SORCS3: variants seen among roughly 807,000 people sequenced by gnomAD.
SORCS3 encodes the protein VPS10 domain-containing receptor SorCS3.
A neutral mutation model predicts 146.3 loss-of-function variants in SORCS3; 57 were observed. The observed-to-expected ratio is 0.39, with a 90% CI of 0.31 to 0.49. SORCS3 has a LOEUF of 0.49. Among genes scored for constraint, SORCS3 ranks in the 20% least tolerant of loss-of-function variants. The pLI is 0.92. For missense variants in SORCS3, 1,341 were observed against 1,575.5 expected (o/e 0.85, Z 2.52); for synonymous variants, 653 against 618.5 (o/e 1.06, Z -0.83).
intron 3 of SORCS3, among the ~76,000 whole-genome samples, chr10:104,958,529 A>C (rs891171004): frequency 6.6e-6 from 1 of 152,176 alleles, no homozygotes; most frequent in Non-Finnish European, 1.5e-5. Flanking sequence ...AGAGAATGGG[A>C]AAGAGGGAGG....
chr10:104,837,382 C>T (rs765468928), intron 1 of SORCS3, among the ~76,000 whole-genome samples: 17 of 152,180 alleles, frequency 1.1e-4, no homozygotes, highest in Non-Finnish European at 2.1e-4. Context: ...CAGCTATACA[C>T]ACACACATAT....
At chr10:104,842,349 A>T (rs1161319263) in intron 1 of SORCS3, among the ~76,000 whole-genome samples, 1 of 152,176 alleles carries the variant, frequency 6.6e-6, no homozygotes, top group Non-Finnish European at 1.5e-5. Flanking sequence ...CCTTTTACAG[A>T]CAGAATCAGG....
In SORCS3 at chr10:104,762,861, C is replaced by T. The variant is rs914470664; in HGVS notation, c.628-79931C>T. ...AAATCTACTTTCTTTATAAATTGCC[C>T]AGTCTCAGGTAGTATCTTTATAGCA... is the stretch of plus-strand genomic sequence containing the variant. On this transcript the variant is annotated intron_variant, in intron 1 of 26. Transcript: ENST00000369701. 2.6e-5 allele frequency among the ~76,000 whole-genome samples: 4 copies of T among 152,136 alleles called. No individual in the cohort carries two copies. The South Asian group carries it at 6.2e-4, about 24-fold the overall frequency.
intron 5 of SORCS3, among the ~76,000 whole-genome samples, chr10:105,058,856 A>G (rs187817487): frequency 3.9e-4 from 59 of 152,356 alleles, no homozygotes; most frequent in Non-Finnish European, 6.5e-4. Context: ...GAGTAGAATA[A>G]CTATACTTAA....
chr10:104,706,198 CTTCTTTTTTTTTTT>C (rs2016334013), intron 1 of SORCS3, among the ~76,000 whole-genome samples: 1 of 121,430 alleles, frequency 8.2e-6, no homozygotes, highest in African/African-American at 3.2e-5. Context: ...TTCTTTTCTT[CTTCTTTTTTTTTTT>C]TTTTTTTTTT....
chr10:104,773,314 A>G (rs2017273349), intron 1 of SORCS3, among the ~76,000 whole-genome samples: 2 of 152,194 alleles, frequency 1.3e-5, no homozygotes, highest in South Asian at 4.1e-4. Flanking sequence ...CAAGGGCTGC[A>G]CCAAGAGCCC....
chr10:105,119,491 T>A (rs1290747373), intron 7 of SORCS3, among the ~76,000 whole-genome samples: 1 of 152,130 alleles, frequency 6.6e-6, no homozygotes, highest in Non-Finnish European at 1.5e-5. Context: ...GAATGATAGA[T>A]CTACCAACAA....
intron 14 of SORCS3, among the ~76,000 whole-genome samples, chr10:105,182,516 T>C (rs374546197): frequency 1.5e-4 from 23 of 152,248 alleles, no homozygotes; most frequent in African/African-American, 5.5e-4. Context: ...ACAGTGGCAG[T>C]ATACCAGTTG....
chr10:105,097,247 A>C (rs1010622171), intron 6 of SORCS3, among the ~76,000 whole-genome samples: 2 of 152,242 alleles, frequency 1.3e-5, no homozygotes, highest in African/African-American at 2.4e-5. Context: ...TCCTGAATTA[A>C]ACTGAAAGCA....
In SORCS3 at chr10:104,931,467, T is replaced by C. The variant is rs545655536; in HGVS notation, c.795+15535T>C. On this transcript the variant is annotated intron_variant, in intron 3 of 26. Coordinates refer to ENST00000369701, the MANE Select transcript of SORCS3 (RefSeq NM_014978.3). ...CTGGTGGAGAAACTGCCCAAGGGTA[T>C]AAATAAGGTCTTAAATAAGACCTTT... 7.9e-5 allele frequency among the ~76,000 whole-genome samples: 12 copies of C among 152,262 alleles called. No individual in the cohort carries two copies. The South Asian group carries it at 1.0e-3, about 13-fold the overall frequency.
At chr10:104,997,780 C>T (rs1239010204) in intron 4 of SORCS3, among the ~76,000 whole-genome samples, 1 of 152,140 alleles carries the variant, frequency 6.6e-6, no homozygotes, top group Non-Finnish European at 1.5e-5. Flanking sequence ...CTTTTTCATT[C>T]AGCAAATCTT....
chr10:104,718,078 G>A (rs529164396), intron 1 of SORCS3, among the ~76,000 whole-genome samples: 6 of 152,170 alleles, frequency 3.9e-5, no homozygotes, highest in South Asian at 2.1e-4. Context: ...CCTGGGAGGC[G>A]GAGGTTGTGG....
intron 3 of SORCS3, among the ~76,000 whole-genome samples, chr10:104,937,941 A>C (rs2019276339): frequency 1.3e-5 from 2 of 152,170 alleles, no homozygotes; most frequent in African/African-American, 4.8e-5. Flanking sequence ...TGCAGGTGCC[A>C]GTGGAGATGG....
chr10:104,904,502 A>G (rs1190538718), intron 2 of SORCS3, among the ~76,000 whole-genome samples: 4 of 151,884 alleles, frequency 2.6e-5, no homozygotes, highest in Admixed American at 2.6e-4. Context: ...AAGTTATTTA[A>G]TACAAGATTT....
intron 20 of SORCS3, among the ~76,000 whole-genome samples, chr10:105,228,549 A>G (rs1226955190): frequency 6.6e-6 from 1 of 151,876 alleles, no homozygotes; most frequent in Non-Finnish European, 1.5e-5. Flanking sequence ...GTGGTGATGA[A>G]TTCCCTCAGC....
At chr10:105,151,369 C>A (rs1050533130) in intron 9 of SORCS3, among the ~76,000 whole-genome samples, 3 of 152,128 alleles carry the variant, frequency 2.0e-5, no homozygotes, top group East Asian at 1.9e-4. Flanking sequence ...GCTAGTATTT[C>A]TTTATCTTTT....
At chr10:105,001,463 G>A (rs1239883196) in intron 4 of SORCS3, among the ~76,000 whole-genome samples, 1 of 152,210 alleles carries the variant, frequency 6.6e-6, no homozygotes, top group Non-Finnish European at 1.5e-5. Flanking sequence ...CAGGGATTGT[G>A]TTGTCCTGTA....
At chr10:105,140,079 G>C (rs1380305352) in intron 8 of SORCS3, among the ~76,000 whole-genome samples, 1 of 152,076 alleles carries the variant, frequency 6.6e-6, no homozygotes, top group Non-Finnish European at 1.5e-5. Flanking sequence ...GCTTCTGGAG[G>C]GAGATGGACC....
chr10:104,658,747 A>G (rs1203737778), intron 1 of SORCS3, among the ~76,000 whole-genome samples: 2 of 152,118 alleles, frequency 1.3e-5, no homozygotes, highest in East Asian at 1.9e-4. Flanking sequence ...GATGATGATG[A>G]TGGTGATAGC....
Sources: gnomAD v4.1 joint callset for allele counts (sites outside exome capture counted in the v4.1 genomes callset) on GRCh38, gnomAD v4.1.1 for gene constraint, MANE v1.5 for transcripts, NCBI Gene and HGNC (gene_info 2026-07-23, HGNC 2026-07-21) for gene names.